Variants in EPHA5 observed in about 807,000 individuals in gnomAD.
EPHA5 encodes ephrin type-A receptor 5.
Under a neutral mutation model 105.0 loss-of-function variants are expected in EPHA5, and 60 were observed. The observed-to-expected ratio is 0.57, with a 90% CI of 0.46 to 0.71. EPHA5 has a LOEUF of 0.71. Ranked by LOEUF, EPHA5 falls within the 30% of genes least tolerant of loss-of-function variation. The pLI is 0.00. For synonymous variants in EPHA5, 513 were observed against 449.1 expected, an observed-to-expected ratio of 1.14 and a Z score of -1.80; for missense variants, 1,218 against 1,274.7, an observed-to-expected ratio of 0.96 and a Z score of 0.68.
intron 5 of EPHA5, among the ~76,000 whole-genome samples, chr4:65,443,905 C>CTGTGTG (rs57129731): frequency 0.35 from 52,984 of 149,896 alleles, 9,877 homozygotes; most frequent in South Asian, 0.43. Context: ...GTTTGTGTGC[C>CTGTGTG]TGTGTGTGTG....
At chr4:65,502,643 G>T (rs1421537668) in intron 3 of EPHA5, among the ~76,000 whole-genome samples, 2 of 151,912 alleles carry the variant, frequency 1.3e-5, no homozygotes, top group African/African-American at 4.8e-5. Flanking sequence ...CTTATACACT[G>T]TTGGTTGGAA....
intron 5 of EPHA5, among the ~76,000 whole-genome samples, chr4:65,461,066 T>C (rs531378441): frequency 7.5e-4 from 114 of 152,006 alleles, no homozygotes; most frequent in South Asian, 3.3e-3. Flanking sequence ...ATTTAAATCA[T>C]AAATACCCTC....
At chr4:65,485,676 T>C (rs553725714) in intron 5 of EPHA5, among the ~76,000 whole-genome samples, 1 of 152,322 alleles carries the variant, frequency 6.6e-6, no homozygotes, top group East Asian at 1.9e-4. Context: ...ACACCTATTT[T>C]TCCTTCTTAC....
At chr4:65,342,232 T>C (rs1318005624) in intron 14 of EPHA5, among the ~76,000 whole-genome samples, 1 of 152,190 alleles carries the variant, frequency 6.6e-6, no homozygotes, top group South Asian at 2.1e-4. Context: ...TTTTTATGTG[T>C]CATTTTTTTC....
At chr4:65,529,828 T>C (rs955476580) in intron 3 of EPHA5, among the ~76,000 whole-genome samples, 2 of 152,118 alleles carry the variant, frequency 1.3e-5, no homozygotes, top group African/African-American at 4.8e-5. Flanking sequence ...AATAACTCAA[T>C]GATCCATTCT....
At chr4:65,557,550 A>C (rs1464426606) in intron 3 of EPHA5, among the ~76,000 whole-genome samples, 1 of 152,032 alleles carries the variant, frequency 6.6e-6, no homozygotes, top group Non-Finnish European at 1.5e-5. Context: ...AAATTCATGA[A>C]GATTATCTCA....
intron 5 of EPHA5, among the ~76,000 whole-genome samples, chr4:65,432,746 A>T (rs2149067010): frequency 6.6e-6 from 1 of 151,956 alleles, no homozygotes; most frequent in South Asian, 2.1e-4. Flanking sequence ...TTATTTATTT[A>T]TTTAATTAAT....
intron 2 of EPHA5, among the ~76,000 whole-genome samples, chr4:65,622,822 G>A (rs892629186): frequency 6.6e-6 from 1 of 151,992 alleles, no homozygotes; most frequent in East Asian, 1.9e-4. Flanking sequence ...TCTTAGAAGG[G>A]ACTTGGTCTG....
At chr4:65,450,901 G>A (rs574215397) in intron 5 of EPHA5, among the ~76,000 whole-genome samples, 9 of 152,178 alleles carry the variant, frequency 5.9e-5, no homozygotes, top group Admixed American at 5.2e-4. Flanking sequence ...AACTTAAAAT[G>A]GAAACATGAG....
intron 5 of EPHA5, among the ~76,000 whole-genome samples, chr4:65,482,185 C>T (rs1480766950): frequency 6.6e-6 from 1 of 151,446 alleles, no homozygotes; most frequent in Non-Finnish European, 1.5e-5. Context: ...GTAATCCCAC[C>T]TACTCAGGAG....
chr4:65,362,544 C>A (rs1436703106), intron 11 of EPHA5, among the ~76,000 whole-genome samples: 1 of 151,656 alleles, frequency 6.6e-6, no homozygotes, highest in Non-Finnish European at 1.5e-5. Flanking sequence ...GTATGTGTAG[C>A]CTCATGCTGA....
At chr4:65,479,849 A>T (rs1730184984) in intron 5 of EPHA5, among the ~76,000 whole-genome samples, 1 of 152,232 alleles carries the variant, frequency 6.6e-6, no homozygotes, top group Non-Finnish European at 1.5e-5. Flanking sequence ...ATGATTTTAA[A>T]TAAATATATT....
intron 5 of EPHA5, among the ~76,000 whole-genome samples, chr4:65,472,861 C>T (rs532368069): frequency 7.2e-5 from 11 of 152,344 alleles, no homozygotes; most frequent in East Asian, 5.8e-4. Context: ...CAATTAACAT[C>T]GAGTTCCTTG....
At chr4:65,334,973 T>C (rs184621493) in intron 15 of EPHA5, among the ~76,000 whole-genome samples, 330 of 152,144 alleles carry the variant, frequency 2.2e-3, no homozygotes, top group Non-Finnish European at 3.7e-3. Flanking sequence ...CTCCATTTGC[T>C]ACCACAGGAA....
chr4:65,428,043 T>A (rs934700491), intron 5 of EPHA5, among the ~76,000 whole-genome samples: 3 of 152,078 alleles, frequency 2.0e-5, no homozygotes, highest in Admixed American at 6.6e-5. Flanking sequence ...CATACATACA[T>A]CTCTAAGAGA....
At chr4:65,332,370 A>C (rs111819546) in intron 15 of EPHA5, among the ~76,000 whole-genome samples, 1 of 152,026 alleles carries the variant, frequency 6.6e-6, no homozygotes, top group African/African-American at 2.4e-5. Flanking sequence ...ACTAATAAGT[A>C]AATTTTATGT....
intron 6 of EPHA5, 149 bp downstream of exon 6, chr4:65,420,292 C>G (rs539358713): frequency 1.3e-6 from 1 of 768,184 alleles, no homozygotes; most frequent in Non-Finnish European, 2.0e-6. Context: ...TCCCTGTACA[C>G]TTCTAGCCTC....
Position 65,345,925 on chromosome 4 carries a change from A to G in EPHA5, c.2595+2129T>C, listed in dbSNP as rs568381756. On this transcript the variant is annotated intron_variant, in intron 14 of 16. Transcript: ENST00000613740. The stretch of plus-strand genomic sequence containing the variant: ...GTAGCTGGGACTACAGGCGCCCGCC[A>G]CCACGCCCGGCTAATTTTTTGTATT... 1.5e-4 allele frequency among the ~76,000 whole-genome samples: 23 copies of G among 152,030 alleles called. No homozygotes were observed. The East Asian group carries it at 4.5e-3, about 30-fold the overall frequency.
intron 2 of EPHA5, among the ~76,000 whole-genome samples, chr4:65,618,400 T>G (rs1745428420): frequency 6.6e-6 from 1 of 152,152 alleles, no homozygotes; most frequent in Non-Finnish European, 1.5e-5. Context: ...TTGAAAAATT[T>G]TTAAAAGAAA....
Sources: gnomAD v4.1 joint callset for allele counts (sites outside exome capture counted in the v4.1 genomes callset) on GRCh38, gnomAD v4.1.1 for gene constraint, MANE v1.5 for transcripts, NCBI Gene and HGNC (gene_info 2026-07-23, HGNC 2026-07-21) for gene names.